The following SLC36A3 variants were observed in gnomAD, a reference collection of about 807,000 sequenced individuals.
The protein encoded by SLC36A3 is proton-coupled amino acid transporter 3.
SLC36A3 carries 35 observed loss-of-function variants against 44.3 expected under a neutral mutation model. The observed-to-expected ratio is 0.79, with a 90% CI of 0.60 to 1.05. SLC36A3 has a LOEUF of 1.05. SLC36A3 is among the 50% of genes least tolerant of loss of function. The pLI, the probability that SLC36A3 is intolerant of heterozygous loss-of-function variation, is 0.00. For missense variants in SLC36A3, 540 were observed against 578.7 expected (o/e 0.93, Z 0.69); for synonymous variants, 211 against 227.6 (o/e 0.93, Z 0.66).
rs144480238 is a variant in SLC36A3 at position 151,277,642 on chromosome 5, G to A, written c.1164C>T (p.Ile388=). 44 of 1,613,980 alleles carry A rather than the reference G, an allele frequency of 2.7e-5. No homozygotes were observed. The highest frequency in any genetic ancestry group is 3.5e-5 in the Non-Finnish European group (41 of 1,180,006). The change falls in exon 10 of 10, where the codon ATC becomes ATT. Residue 388 remains isoleucine (I), a synonymous_variant. Coordinates refer to ENST00000335230, the MANE Select transcript of SLC36A3 (RefSeq NM_181774.4). The part of the protein sequence containing the change: ...VCLTCVSAIL[I]PRLDLVISLV... ...GGGAGATGACCAAGTCCAGGCGGGG[G>A]ATGAGGATGGCTGAGACACCTGCAA...
chr5:151,290,114 CTTATACTCTG>C (rs960798992), intron 4 of SLC36A3, among the ~76,000 whole-genome samples: 4 of 152,084 alleles, frequency 2.6e-5, no homozygotes, highest in Non-Finnish European at 5.9e-5. Flanking sequence ...AATTTAATAT[CTTATACTCTG>C]TTATTGCCAT....
Position 151,287,226 on chromosome 5 carries a change from T to C in SLC36A3, c.708+20A>G, listed in dbSNP as rs756996838. On this transcript the variant is annotated intron_variant, in intron 6 of 9. Coordinates refer to ENST00000335230, the MANE Select transcript of SLC36A3 (RefSeq NM_181774.4). ...TTCAGAGACCCAGGACCCTGATCCT[T>C]TCTTCCCTATGGCACAGACCTCCAT... is the stretch of plus-strand genomic sequence containing the variant. The C allele has an allele frequency of 1.2e-6, 2 of 1,613,102 alleles. No homozygotes were observed. Among genetic ancestry groups the C allele is most frequent in the Non-Finnish European group, 1.7e-6 (2 of 1,179,292 alleles).
chr5:151,282,946 G>A (rs971172996), intron 8 of SLC36A3, among the ~76,000 whole-genome samples: 13 of 150,878 alleles, frequency 8.6e-5, no homozygotes, highest in Admixed American at 2.6e-4. Context: ...ATGCAATGGC[G>A]TGATCTCGGC....
intron 2 of SLC36A3, 102 bp downstream of exon 2, chr5:151,298,491 A>C: frequency 9.0e-7 from 1 of 1,106,264 alleles, no homozygotes. Flanking sequence ...TGCAGAGGGT[A>C]CCCCCAAATT....
At chr5:151,300,273 C>T (rs180763532) in intron 1 of SLC36A3, among the ~76,000 whole-genome samples, 1 of 152,306 alleles carries the variant, frequency 6.6e-6, no homozygotes, top group African/African-American at 2.4e-5. Flanking sequence ...AAGCTGTAAC[C>T]AACCAGGTCT....
At chr5:151,299,596 G>A (rs1755103639) in intron 1 of SLC36A3, among the ~76,000 whole-genome samples, 1 of 151,922 alleles carries the variant, frequency 6.6e-6, no homozygotes, top group Admixed American at 6.6e-5. Flanking sequence ...GGTGGGAAAG[G>A]TGGGAACAGG....
chr5:151,295,493 G>A (rs1754927789), intron 3 of SLC36A3, among the ~76,000 whole-genome samples: 1 of 152,166 alleles, frequency 6.6e-6, no homozygotes, highest in Non-Finnish European at 1.5e-5. Flanking sequence ...ATGATAATTA[G>A]GCTTTATGGA....
At chr5:151,285,324 G>A (rs908044666) in intron 6 of SLC36A3, among the ~76,000 whole-genome samples, 1 of 152,116 alleles carries the variant, frequency 6.6e-6, no homozygotes, top group Non-Finnish European at 1.5e-5. Context: ...CCACCCTTTG[G>A]CTACTGGGAG....
chr5:151,287,225 T>G (rs995245221), intron 6 of SLC36A3, 21 bp downstream of exon 6: 1 of 1,612,964 alleles, frequency 6.2e-7, no homozygotes, highest in African/African-American at 1.3e-5. Flanking sequence ...ACCCTGATCC[T>G]TTCTTCCCTA....
chr5:151,301,599 T>G (rs1050370705), intron 1 of SLC36A3, among the ~76,000 whole-genome samples: 1 of 152,064 alleles, frequency 6.6e-6, no homozygotes, highest in African/African-American at 2.4e-5. Flanking sequence ...CCAAATTATC[T>G]TTAAAAACTC....
chr5:151,296,109 TG>T, intron 3 of SLC36A3, 70 bp downstream of exon 3: 2 of 1,432,384 alleles, frequency 1.4e-6, no homozygotes, highest in Non-Finnish European at 2.0e-6. Context: ...ATTGGGTCAG[TG>T]GTCAAAAGAA....
rs763080254 is a variant in SLC36A3, at chr5:151,293,464, G to A, written c.309-5C>T. On this transcript the variant is annotated splice_region_variant and splice_polypyrimidine_tract_variant and intron_variant, in intron 3 of 9. Coordinates refer to ENST00000335230, the MANE Select transcript of SLC36A3 (RefSeq NM_181774.4). ...TTCACAAAAGTCTTCTGCAGTCTAG[G>A]GGGAAAGAACAAACAATGCATAATT... 2 of 1,609,548 alleles carry A rather than the reference G, an allele frequency of 1.2e-6. No homozygotes were observed. Among genetic ancestry groups the A allele is most frequent in the East Asian group, 2.2e-5 (1 of 44,760 alleles).
At chr5:151,284,318 A>G in intron 7 of SLC36A3, 108 bp from the exon 8 acceptor site, 1 of 1,123,608 alleles carries the variant, frequency 8.9e-7, no homozygotes, top group Non-Finnish European at 1.3e-6. Flanking sequence ...AGGTGGGCCC[A>G]GTATCAGAAA....
chr5:151,294,640 T>G (rs1245103160), intron 3 of SLC36A3, among the ~76,000 whole-genome samples: 1 of 152,108 alleles, frequency 6.6e-6, no homozygotes, highest in Non-Finnish European at 1.5e-5. Context: ...AATTTTTTTT[T>G]TTTTTGAGAC....
Position 151,297,689 on chromosome 5 carries a change from G to A in SLC36A3, c.219+904C>T, listed in dbSNP as rs920139647. On this transcript the variant is annotated intron_variant, in intron 2 of 9. Coordinates refer to ENST00000335230, the MANE Select transcript of SLC36A3 (RefSeq NM_181774.4). ...TAGAAAATAAATATGTCGACCGGACGAGGTGGCTCACACCTGTCATCCCAG... is the reference window on the plus strand; with the variant it reads ...TAGAAAATAAATATGTCGACCGGACAAGGTGGCTCACACCTGTCATCCCAG... 4 of 152,176 alleles carry A rather than the reference G, an allele frequency of 2.6e-5. No homozygotes were observed. In the East Asian group the frequency reaches 5.8e-4, roughly 22 times the overall value. The allele number at this position is 152,176 out of a possible 1,614,324, so 9.4% of individuals were successfully genotyped here. A position where few individuals can be genotyped will look rare whatever the true frequency, so the allele number is the denominator to read the frequency against.
At position 151,277,692 on chromosome 5, in the gene SLC36A3, G is replaced by C. The variant is rs769156467; in HGVS notation, c.1145-31C>G. On this transcript the variant is annotated intron_variant, in intron 9 of 9. Coordinates refer to ENST00000335230, the MANE Select transcript of SLC36A3 (RefSeq NM_181774.4). ...ATGAAAGGAGATATTTAGAATCACT[G>C]AATGTGCTCAGAAACAAGCCATTGC... The C allele has an allele frequency of 5.6e-6, 9 of 1,603,386 alleles. No individual in the cohort carries two copies. The South Asian group carries it at 1.0e-4, about 18-fold the overall frequency.
chr5:151,293,348 C>G lies in SLC36A3; in HGVS notation c.404+16G>C. On this transcript the variant is annotated intron_variant, in intron 4 of 9. Coordinates refer to ENST00000335230, the MANE Select transcript of SLC36A3 (RefSeq NM_181774.4). The stretch of plus-strand genomic sequence containing the variant: ...ATGATTTTTGTTGTTACTACTACAA[C>G]ATCTGTGACTACTACCTTCCCCACA... 6.2e-7 allele frequency: 1 copy of G among 1,602,838 alleles called. No homozygotes were observed.
At chr5:151,283,694 T>C (rs1423606906) in intron 8 of SLC36A3, among the ~76,000 whole-genome samples, 2 of 152,250 alleles carry the variant, frequency 1.3e-5, no homozygotes, top group African/African-American at 4.8e-5. Flanking sequence ...ATAACAATGA[T>C]AATAGCTAAC....
rs2127248140 is a variant in SLC36A3, at chr5:151,276,711, T to A, written c.*682A>T. 1 of 152,502 alleles carries A rather than the reference T, an allele frequency of 6.6e-6. No individual in the cohort carries two copies. The highest frequency in any genetic ancestry group is 2.1e-4 in the South Asian group (1 of 4,834). 9.4% of individuals were successfully genotyped at this position (152,502 alleles called of 1,614,324 possible). On this transcript the variant is annotated 3_prime_UTR_variant, in exon 10 of 10. Transcript: ENST00000335230. The stretch of plus-strand genomic sequence containing the variant: ...TACTTTCTATCCACATAGCAGGGTA[T>A]GGAGTTTCAGTTACTCCACCTCCTC...
Sources: allele counts gnomAD v4.1 joint callset (sites outside exome capture counted in the v4.1 genomes callset), GRCh38; gene constraint gnomAD v4.1.1; transcripts MANE v1.5; gene names NCBI Gene and HGNC (gene_info 2026-07-23, HGNC 2026-07-21).